ICE2: variants seen among roughly 807,000 people sequenced by gnomAD.
ICE2 encodes interactor of little elongation complex ELL subunit 2, also known as little elongation complex subunit 2.
ICE2 carries 87 observed loss-of-function variants against 105.4 expected under a neutral mutation model. The ratio of observed to expected loss-of-function variants is 0.83; its 90% CI spans 0.69 to 0.99. The LOEUF is 0.99. ICE2 is among the 50% of genes least tolerant of loss of function. The pLI is 0.00. For synonymous variants in ICE2, 399 were observed against 392.0 expected (o/e 1.02, Z -0.21); for missense variants, 1,323 against 1,146.7 (o/e 1.15, Z -2.22).
chr15:60,459,940 C>G (rs374059453), intron 5 of ICE2, among the ~76,000 whole-genome samples: 2 of 151,724 alleles, frequency 1.3e-5, no homozygotes, highest in African/African-American at 4.8e-5. Context: ...CAATATATAC[C>G]GTCATCATAA....
In ICE2 at chr15:60,436,182, A is replaced by G. The variant is rs2063582168; in HGVS notation, c.2471T>C (p.Ile824Thr). ...CTTTTCTTTTAATTCTTCTGAGGTA[A>G]TTTCTTCCAGTAGAAAAAGTTTTGA... ...FTSKLFLLEE[I>T]TSEELKEKLS... Residue 824 changes from isoleucine (I) to threonine (T), a missense_variant, in exon 13 of 16, where the codon ATT becomes ACT. By Grantham distance (89) the Ile-to-Thr change is moderately conservative (BLOSUM62 -1). Coordinates refer to ENST00000261520, the MANE Select transcript of ICE2 (RefSeq NM_024611.6). 2.0e-6 allele frequency: 3 copies of G among 1,469,744 alleles called. No individual in the cohort carries two copies. Among genetic ancestry groups the G allele is most frequent in the Non-Finnish European group, 1.8e-6 (2 of 1,093,294 alleles). The allele number at this position is 1,469,744 out of a possible 1,614,324, so 91.0% of individuals were successfully genotyped here. A position where few individuals can be genotyped will look rare whatever the true frequency, so the allele number is the denominator to read the frequency against.
chr15:60,454,969 T>A lies in ICE2; in HGVS notation c.943+34A>T, dbSNP rs781007790. The A allele has an allele frequency of 3.3e-6, 5 of 1,514,746 alleles. No individual in the cohort carries two copies. In the South Asian group the frequency reaches 6.8e-5, roughly 20 times the overall value. 93.8% of individuals were successfully genotyped at this position (1,514,746 alleles called of 1,614,324 possible). A position where few individuals can be genotyped will look rare whatever the true frequency, so the allele number is the denominator to read the frequency against. On this transcript the variant is annotated intron_variant, in intron 8 of 15. Coordinates refer to ENST00000261520, the MANE Select transcript of ICE2 (RefSeq NM_024611.6). Reference sequence around the variant, plus strand: ...GAACATGCAGTCCAACTTCTCTTTTTTGAGAGCATTATTTGACATAGCAAA... The same window carrying A: ...GAACATGCAGTCCAACTTCTCTTTTATGAGAGCATTATTTGACATAGCAAA...
chr15:60,476,069 G>C lies in ICE2; in HGVS notation c.140C>G (p.Ser47Cys), dbSNP rs763050034. 2 of 1,578,776 alleles carry C rather than the reference G, an allele frequency of 1.3e-6. No individual in the cohort carries two copies. The highest frequency in any genetic ancestry group is 1.7e-6 in the Non-Finnish European group (2 of 1,160,890). Residue 47 changes from serine to cysteine, a missense_variant, in exon 3 of 16, where the codon TCC becomes TGC. Ser to Cys is a moderately radical substitution (Grantham distance 112). Transcript: ENST00000261520. ...AACCAAATAAACATATTACCTGTTG[G>C]ATAAAACACGTAGTTCTTTTAAACT... Reference protein sequence around the residue: ...APSLKELRVLSNRRIGENLNA... With the variant: ...APSLKELRVLCNRRIGENLNA...
At chr15:60,435,243 T>C (rs1419463364) in intron 13 of ICE2, among the ~76,000 whole-genome samples, 2 of 149,624 alleles carry the variant, frequency 1.3e-5, no homozygotes, top group Non-Finnish European at 3.0e-5. Flanking sequence ...ATCACGCCAC[T>C]GCACTCCAGC....
At position 60,420,368 on chromosome 15, in the gene ICE2, C is replaced by T. The variant is rs1047826415; in HGVS notation, c.*3266G>A. ...CTATTCTTGCTGCTTTAATTCTGGG[C>T]CATTGCCATTTTTCAGTTACTACAA... is the stretch of plus-strand genomic sequence containing the variant. On this transcript the variant is annotated 3_prime_UTR_variant, in exon 16 of 16. Coordinates refer to ENST00000261520, the MANE Select transcript of ICE2 (RefSeq NM_024611.6). 3.9e-5 allele frequency: 6 copies of T among 152,046 alleles called. No homozygotes were observed. Among genetic ancestry groups the T allele is most frequent in the African/African-American group, 1.4e-4 (6 of 41,392 alleles). 9.4% of individuals were successfully genotyped at this position (152,046 alleles called of 1,614,324 possible).
At chr15:60,444,502 A>C (rs2063782659) in intron 11 of ICE2, among the ~76,000 whole-genome samples, 1 of 152,154 alleles carries the variant, frequency 6.6e-6, no homozygotes, top group African/African-American at 2.4e-5. Context: ...ATGGCTCCCC[A>C]AGTAAAAGCT....
intron 5 of ICE2, among the ~76,000 whole-genome samples, chr15:60,457,555 T>C (rs1470376322): frequency 2.0e-5 from 3 of 152,186 alleles, no homozygotes; most frequent in Non-Finnish European, 4.4e-5. Flanking sequence ...CTTCTTTATG[T>C]ATTATCTTTA....
intron 15 of ICE2, among the ~76,000 whole-genome samples, chr15:60,427,989 ACTT>A (rs2063374289): frequency 6.6e-6 from 1 of 152,218 alleles, no homozygotes; most frequent in African/African-American, 2.4e-5. Flanking sequence ...AACTGCTATT[ACTT>A]CTTTTTCCTC....
At chr15:60,451,036 G>C (rs2063953226) in intron 9 of ICE2, 2 of 345,158 alleles carry the variant, frequency 5.8e-6, no homozygotes, top group East Asian at 3.3e-4. Context: ...AAAGCAAGAA[G>C]CGTTATATAG....
In ICE2 at chr15:60,435,149, C is replaced by T. The variant is rs978193934; in HGVS notation, c.2510+994G>A. 5.3e-5 allele frequency among the ~76,000 whole-genome samples: 8 copies of T among 152,000 alleles called. 1 individual carries two copies. Among genetic ancestry groups the T allele is most frequent in the East Asian group, 1.9e-4 (1 of 5,152 alleles). ...ACAAAAACTTAGCTGGGTGTGGTGGCGGGCACCTGTAGTCCCAGCTACTCT... is the reference window on the plus strand; with the variant it reads ...ACAAAAACTTAGCTGGGTGTGGTGGTGGGCACCTGTAGTCCCAGCTACTCT... On this transcript the variant is annotated intron_variant, in intron 13 of 15. Transcript: ENST00000261520.
intron 5 of ICE2, 48 bp from the exon 6 acceptor site, chr15:60,456,842 G>A (rs376783749): frequency 2.4e-6 from 3 of 1,251,096 alleles, no homozygotes; most frequent in Non-Finnish European, 3.2e-6. Flanking sequence ...CTCTAATAAT[G>A]CAAAAAGAAA....
intron 14 of ICE2, among the ~76,000 whole-genome samples, chr15:60,430,648 C>T (rs997305539): frequency 1.3e-5 from 2 of 152,132 alleles, no homozygotes; most frequent in Non-Finnish European, 2.9e-5. Context: ...TTGCACTTGA[C>T]ACCATCATTT....
At chr15:60,452,216 T>G (rs1357221233) in intron 9 of ICE2, 1 of 943,214 alleles carries the variant, frequency 1.1e-6, no homozygotes. Context: ...ATAAAAATAT[T>G]AAAAGGCAAA....
At chr15:60,454,958 A>G in intron 8 of ICE2, 45 bp downstream of exon 8, 1 of 1,489,828 alleles carries the variant, frequency 6.7e-7, no homozygotes, top group Non-Finnish European at 8.9e-7. Flanking sequence ...ATGCAGTCCA[A>G]CTTCTCTTTT....
At position 60,423,008 on chromosome 15, in the gene ICE2, A is replaced by C. The variant is rs1001220323; in HGVS notation, c.*626T>G. 1 of 152,644 alleles carries C rather than the reference A, an allele frequency of 6.6e-6. No homozygotes were observed. Among genetic ancestry groups the C allele is most frequent in the East Asian group, 1.9e-4 (1 of 5,198 alleles). The allele number at this position is 152,644 out of a possible 1,614,324, so 9.5% of individuals were successfully genotyped here. ...CTGTCATCAAACATGTTATACCACC[A>C]AATTTTTTCTTTTATTAAACAAACT... On this transcript the variant is annotated 3_prime_UTR_variant, in exon 16 of 16. Coordinates refer to ENST00000261520, the MANE Select transcript of ICE2 (RefSeq NM_024611.6).
Position 60,448,884 on chromosome 15 carries a change from A to T in ICE2, c.2083T>A (p.Ser695Thr). The change falls in exon 10 of 16, where the codon TCT (serine) becomes ACT (threonine). Residue 695 changes from serine (S) to threonine (T), a missense_variant. Physicochemically the swap from Ser to Thr is moderately conservative, Grantham distance 58 (BLOSUM62 1). Transcript: ENST00000261520. Reference protein sequence around the residue: ...GPSDSSSWPKSGWPSAFQKPK... With the variant: ...GPSDSSSWPKTGWPSAFQKPK... ...TTCTGAAATGCAGAAGGCCATCCAGATTTCGGCCAACTAGAGGAGTCTGAA... is the reference window on the plus strand; with the variant it reads ...TTCTGAAATGCAGAAGGCCATCCAGTTTTCGGCCAACTAGAGGAGTCTGAA... The T allele has an allele frequency of 6.2e-7, 1 of 1,600,246 alleles. No individual in the cohort carries two copies. Among genetic ancestry groups the T allele is most frequent in the Non-Finnish European group, 8.5e-7 (1 of 1,176,018 alleles).
chr15:60,478,239 G>A (rs1242142117), intron 1 of ICE2, among the ~76,000 whole-genome samples, 170 bp from the exon 2 acceptor site: 6 of 152,158 alleles, frequency 3.9e-5, no homozygotes, highest in Non-Finnish European at 8.8e-5. Flanking sequence ...GACGATACAG[G>A]ACGAGCCCTT....
At chr15:60,445,597 T>C (rs2063805961) in intron 11 of ICE2, 35 of 964,658 alleles carry the variant, frequency 3.6e-5, no homozygotes, top group Non-Finnish European at 4.2e-5. Flanking sequence ...TGTGACTATT[T>C]TGACATATTT....
chr15:60,435,599 CA>C (rs61054838), intron 13 of ICE2, among the ~76,000 whole-genome samples: 135,705 of 143,452 alleles, frequency 0.95, 64,353 homozygotes, highest in Middle Eastern at 1. Context: ...AACTCTGTCT[CA>C]AAAAAAAAAA....
Sources: allele counts gnomAD v4.1 joint callset (sites outside exome capture counted in the v4.1 genomes callset), GRCh38; gene constraint gnomAD v4.1.1; transcripts MANE v1.5; gene names NCBI Gene and HGNC (gene_info 2026-07-23, HGNC 2026-07-21).